The following PIK3AP1 variants were observed in gnomAD, a reference collection of about 807,000 sequenced individuals.
The protein encoded by PIK3AP1 is phosphoinositide 3-kinase adapter protein 1.
PIK3AP1 carries 21 observed loss-of-function variants against 88.1 expected under a neutral mutation model. The ratio of observed to expected loss-of-function variants is 0.24; its 90% CI spans 0.17 to 0.34. The LOEUF (loss-of-function observed/expected upper bound fraction) is 0.34. Among genes scored for constraint, PIK3AP1 ranks in the 10% least tolerant of loss-of-function variants. The pLI, the probability that PIK3AP1 is intolerant of heterozygous loss-of-function variation, is 1.00. For synonymous variants in PIK3AP1, 398 were observed against 400.0 expected (o/e 1.00, Z 0.06); for missense variants, 828 against 1,035.7 (o/e 0.80, Z 2.75).
chr10:96,656,538 G>A (rs1486960307), intron 3 of PIK3AP1, among the ~76,000 whole-genome samples: 2 of 152,114 alleles, frequency 1.3e-5, no homozygotes, highest in African/African-American at 4.8e-5. Flanking sequence ...GGTCTCCTAG[G>A]TGCTCTACGT....
At position 96,709,934 on chromosome 10, in the gene PIK3AP1, C is replaced by G; in HGVS notation, c.63G>C (p.Glu21Asp). Reference protein sequence around the residue: ...DILIVYSPDAEEWCQYLQTLF... With the variant: ...DILIVYSPDADEWCQYLQTLF... ...GGGTCTGCAGGTACTGGCACCATTC[C>G]TCGGCATCCGGGCTGTAGACGATGA... Residue 21 changes from glutamate (E) to aspartate (D), a missense_variant, in exon 2 of 17, where the codon GAG becomes GAC. This residue lies in a region of PIK3AP1 where 610 missense variants were observed against 760.1 expected (regional missense o/e 0.80). Coordinates refer to ENST00000339364, the MANE Select transcript of PIK3AP1 (RefSeq NM_152309.3). 4 of 1,607,322 alleles carry G rather than the reference C, an allele frequency of 2.5e-6. No individual in the cohort carries two copies. The highest frequency in any genetic ancestry group is 3.4e-6 in the Non-Finnish European group (4 of 1,175,212).
intron 10 of PIK3AP1, among the ~76,000 whole-genome samples, chr10:96,626,049 T>C (rs928405609): frequency 6.6e-6 from 1 of 152,192 alleles, no homozygotes; most frequent in Non-Finnish European, 1.5e-5. Context: ...CTCCTCCTAT[T>C]TCTAATACTC....
chr10:96,654,262 G>C (rs910526581), intron 3 of PIK3AP1, among the ~76,000 whole-genome samples: 64 of 152,226 alleles, frequency 4.2e-4, no homozygotes, highest in Admixed American at 3.7e-3. Flanking sequence ...CTGGTTACGT[G>C]GGGGGAATGA....
chr10:96,691,442 C>G (rs1320981039), intron 2 of PIK3AP1, among the ~76,000 whole-genome samples: 1 of 151,828 alleles, frequency 6.6e-6, no homozygotes, highest in Non-Finnish European at 1.5e-5. Context: ...GGAAGCCAAG[C>G]CTTTCCCTTT....
At chr10:96,716,007 A>G (rs1218399658) in intron 1 of PIK3AP1, among the ~76,000 whole-genome samples, 2 of 152,048 alleles carry the variant, frequency 1.3e-5, no homozygotes, top group African/African-American at 4.8e-5. Context: ...CTGGCCAGGA[A>G]CAGTGGCTCA....
chr10:96,656,206 C>T (rs1843612877), intron 3 of PIK3AP1, among the ~76,000 whole-genome samples: 1 of 152,216 alleles, frequency 6.6e-6, no homozygotes, highest in African/African-American at 2.4e-5. Context: ...ACCATCAGTA[C>T]TAAGGTAGGA....
chr10:96,604,435 C>T (rs571824908), intron 14 of PIK3AP1, among the ~76,000 whole-genome samples: 6 of 142,700 alleles, frequency 4.2e-5, no homozygotes, highest in East Asian at 4.1e-4. Context: ...TGGGCTCAAG[C>T]GATCCTCCTG....
intron 2 of PIK3AP1, among the ~76,000 whole-genome samples, chr10:96,698,073 T>C (rs1844245642): frequency 6.6e-6 from 1 of 152,234 alleles, no homozygotes; most frequent in Non-Finnish European, 1.5e-5. Context: ...TCTATTTAAC[T>C]GGGCCCAAGG....
At chr10:96,657,691 G>A (rs773925008) in intron 2 of PIK3AP1, among the ~76,000 whole-genome samples, 1 of 152,114 alleles carries the variant, frequency 6.6e-6, no homozygotes, top group Non-Finnish European at 1.5e-5. Context: ...ATGCACATGT[G>A]TATGCATTTG....
At chr10:96,638,696 G>A (rs879766342) in intron 8 of PIK3AP1, among the ~76,000 whole-genome samples, 1 of 152,222 alleles carries the variant, frequency 6.6e-6, no homozygotes. Flanking sequence ...ATGCATTTGT[G>A]GTGCTGTGCA....
At chr10:96,717,202 G>A (rs376288761) in intron 1 of PIK3AP1, among the ~76,000 whole-genome samples, 91 of 148,720 alleles carry the variant, frequency 6.1e-4, no homozygotes, top group African/African-American at 2.0e-3. Flanking sequence ...AGTTTGCAGT[G>A]AGCCAAGATC....
chr10:96,632,207 A>G (rs1455874043), intron 8 of PIK3AP1, among the ~76,000 whole-genome samples: 1 of 152,230 alleles, frequency 6.6e-6, no homozygotes, highest in Non-Finnish European at 1.5e-5. Flanking sequence ...CACGGAACAG[A>G]AAAAGAGTAT....
At chr10:96,628,679 C>T (rs1262453431) in intron 8 of PIK3AP1, among the ~76,000 whole-genome samples, 186 bp from the exon 9 acceptor site, 2 of 151,718 alleles carry the variant, frequency 1.3e-5, no homozygotes, top group African/African-American at 2.4e-5. Context: ...AAGAGAGCAA[C>T]GTGCCCAACC....
chr10:96,675,753 C>T (rs1303605149), intron 2 of PIK3AP1, among the ~76,000 whole-genome samples: 2 of 152,148 alleles, frequency 1.3e-5, no homozygotes, highest in Non-Finnish European at 2.9e-5. Flanking sequence ...AACACTGTGT[C>T]TGCCACATAG....
chr10:96,666,215 C>T (rs796470293), intron 2 of PIK3AP1, among the ~76,000 whole-genome samples: 23 of 152,156 alleles, frequency 1.5e-4, no homozygotes, highest in African/African-American at 4.8e-4. Context: ...GTCAGGAGAT[C>T]GAGACCATCC....
At position 96,594,797 on chromosome 10, in the gene PIK3AP1, C is replaced by T. The variant is rs1848728450; in HGVS notation, c.*780G>A. 2 of 152,204 alleles carry T rather than the reference C, an allele frequency of 1.3e-5. No individual in the cohort carries two copies. Among genetic ancestry groups the T allele is most frequent in the Non-Finnish European group, 2.9e-5 (2 of 68,038 alleles). 9.4% of individuals were successfully genotyped at this position (152,204 alleles called of 1,614,324 possible). ...AGAAAACAAACAAACTTGGTAGTCTCATGCCTGGGAGATACGGAAGATGGA... is the reference window on the plus strand; with the variant it reads ...AGAAAACAAACAAACTTGGTAGTCTTATGCCTGGGAGATACGGAAGATGGA... On this transcript the variant is annotated 3_prime_UTR_variant, in exon 17 of 17. Coordinates refer to ENST00000339364, the MANE Select transcript of PIK3AP1 (RefSeq NM_152309.3). The surrounding 1 kb of genome is among the most constrained non-coding windows in gnomAD (Gnocchi z 4.6).
chr10:96,705,361 C>A (rs536140318), intron 2 of PIK3AP1, among the ~76,000 whole-genome samples: 9 of 152,220 alleles, frequency 5.9e-5, no homozygotes, highest in African/African-American at 1.9e-4. Flanking sequence ...AAGCTAAATC[C>A]CTTTACAGCA....
chr10:96,606,582 A>G (rs1018527791), intron 14 of PIK3AP1, among the ~76,000 whole-genome samples: 3 of 152,114 alleles, frequency 2.0e-5, no homozygotes, highest in African/African-American at 7.2e-5. Context: ...AATCCCCTCT[A>G]GGCTACACAG....
chr10:96,604,167 G>A, intron 14 of PIK3AP1, 118 bp from the exon 15 acceptor site: 1 of 850,016 alleles, frequency 1.2e-6, no homozygotes, highest in Non-Finnish European at 1.7e-6. Flanking sequence ...TGTAAGTATG[G>A]GGTTCTTCAA....
Sources: gnomAD v4.1 joint callset for allele counts (sites outside exome capture counted in the v4.1 genomes callset) on GRCh38, gnomAD v4.1.1 for gene constraint, gnomAD v4.1.1 regional missense constraint, Gnocchi (gnomAD v3.1) non-coding constraint, MANE v1.5 for transcripts, NCBI Gene and HGNC (gene_info 2026-07-23, HGNC 2026-07-21) for gene names.